ASAP1: variants seen among roughly 807,000 people sequenced by gnomAD.
The protein encoded by ASAP1 is arf-GAP with SH3 domain, ANK repeat and PH domain-containing protein 1.
Under a neutral mutation model 145.2 loss-of-function variants are expected in ASAP1, and 43 were observed. The ratio of observed to expected loss-of-function variants is 0.30; its 90% confidence interval spans 0.23 to 0.38. The LOEUF (loss-of-function observed/expected upper bound fraction) is 0.38, where lower values mean the gene tolerates loss of function less well. Among genes scored for constraint, ASAP1 ranks in the 10% least tolerant of loss-of-function variants. The probability of loss-of-function intolerance (pLI) is 1.00; values close to 1 mark genes in which losing one functional copy is unlikely to be tolerated. For synonymous variants in ASAP1, 546 were observed against 515.5 expected (o/e 1.06, Z -0.80); for missense variants, 1,018 against 1,355.3 (o/e 0.75, Z 3.91).
intron 3 of ASAP1, among the ~76,000 whole-genome samples, chr8:130,335,385 C>T (rs1392234199): frequency 6.6e-6 from 1 of 152,126 alleles, no homozygotes; most frequent in East Asian, 1.9e-4. Flanking sequence ...GAAACTGACC[C>T]ACAGAGAGGT....
chr8:130,185,860 T>C (rs1485373698), intron 7 of ASAP1, among the ~76,000 whole-genome samples: 1 of 152,082 alleles, frequency 6.6e-6, no homozygotes, highest in Admixed American at 6.6e-5. Context: ...AAGTCATTTA[T>C]AATACTAAGC....
At chr8:130,332,975 C>T (rs78206452) in intron 3 of ASAP1, among the ~76,000 whole-genome samples, 15,844 of 151,752 alleles carry the variant, frequency 0.1, 970 homozygotes, top group South Asian at 0.28. Context: ...ATTCTATTCA[C>T]ATTACAGAAA....
chr8:130,392,158 G>A (rs1828313862), intron 2 of ASAP1, among the ~76,000 whole-genome samples: 1 of 152,180 alleles, frequency 6.6e-6, no homozygotes, highest in Non-Finnish European at 1.5e-5. Context: ...TAAGACTGCA[G>A]ATGCCTGGGA....
At chr8:130,420,281 A>ACAC in intron 1 of ASAP1, among the ~76,000 whole-genome samples, 1 of 143,258 alleles carries the variant, frequency 7.0e-6, no homozygotes, top group East Asian at 2.1e-4. Context: ...CACACACACA[A>ACAC]TAGCAATAAC....
chr8:130,402,528 T>C (rs565604796), intron 1 of ASAP1, among the ~76,000 whole-genome samples: 1 of 152,272 alleles, frequency 6.6e-6, no homozygotes, highest in African/African-American at 2.4e-5. Flanking sequence ...GGATAAAAGA[T>C]GTTACATAAG....
intron 4 of ASAP1, among the ~76,000 whole-genome samples, chr8:130,222,399 C>T (rs1817346072): frequency 6.6e-6 from 1 of 152,210 alleles, no homozygotes; most frequent in South Asian, 2.1e-4. Context: ...GGGATTCAAT[C>T]ACAGTGAATA....
intron 13 of ASAP1, among the ~76,000 whole-genome samples, chr8:130,137,242 A>G (rs998544105): frequency 2.6e-5 from 4 of 152,226 alleles, no homozygotes; most frequent in Non-Finnish European, 5.9e-5. Flanking sequence ...CTGCCCTCAA[A>G]TATAAGCTGG....
At chr8:130,413,924 G>T (rs1829368787) in intron 1 of ASAP1, among the ~76,000 whole-genome samples, 1 of 150,500 alleles carries the variant, frequency 6.6e-6, no homozygotes. Context: ...ATTCATTTAT[G>T]TAACACTCCA....
chr8:130,172,872 C>A (rs575837489), intron 9 of ASAP1, among the ~76,000 whole-genome samples: 1 of 152,294 alleles, frequency 6.6e-6, no homozygotes, highest in South Asian at 2.1e-4. Context: ...ATTTACTTTC[C>A]TTCTGCTTCA....
intron 3 of ASAP1, among the ~76,000 whole-genome samples, chr8:130,338,481 T>C (rs1202897436): frequency 6.6e-6 from 1 of 152,198 alleles, no homozygotes; most frequent in Non-Finnish European, 1.5e-5. Flanking sequence ...AGGACTCTCC[T>C]TCCAAGAAAA....
chr8:130,087,505 G>A (rs1282630258), intron 25 of ASAP1, among the ~76,000 whole-genome samples: 1 of 152,108 alleles, frequency 6.6e-6, no homozygotes, highest in Non-Finnish European at 1.5e-5. Context: ...GGGCAACAGA[G>A]TGAGTCTGTT....
At chr8:130,153,361 A>ATG (rs1306055536) in intron 12 of ASAP1, among the ~76,000 whole-genome samples, 162 of 57,706 alleles carry the variant, frequency 2.8e-3, no homozygotes, top group African/African-American at 8.3e-3. Flanking sequence ...ATATATATGT[A>ATG]TATATATATA....
intron 5 of ASAP1, among the ~76,000 whole-genome samples, chr8:130,194,242 A>T (rs1042082902): frequency 1.1e-4 from 17 of 152,220 alleles, no homozygotes; most frequent in Non-Finnish European, 2.2e-4. Context: ...TAGGTTAATT[A>T]AAAAAACCAG....
chr8:130,339,763 G>A (rs1825263696), intron 3 of ASAP1, among the ~76,000 whole-genome samples: 1 of 152,206 alleles, frequency 6.6e-6, no homozygotes, highest in South Asian at 2.1e-4. Context: ...CAGGACTGAT[G>A]AGAAATCTCA....
Position 130,401,955 on chromosome 8 carries a change from C to G in ASAP1, c.-12G>C. On this transcript the variant is annotated 5_prime_UTR_variant, in exon 2 of 30. An upstream open reading frame in the 5' UTR loses its in-frame stop. Transcript: ENST00000518721. Reference sequence around the variant, plus strand: ...GCTGAAGATCTCATGTCTCAGCCGTCACATCAGAAAACGACCTGGATAGGG... The same window carrying G: ...GCTGAAGATCTCATGTCTCAGCCGTGACATCAGAAAACGACCTGGATAGGG... 1 of 1,612,976 alleles carries G rather than the reference C, an allele frequency of 6.2e-7. No individual in the cohort carries two copies. The highest frequency in any genetic ancestry group is 1.3e-5 in the African/African-American group (1 of 75,014).
At chr8:130,402,888 T>C (rs561212454) in intron 1 of ASAP1, among the ~76,000 whole-genome samples, 2 of 151,252 alleles carry the variant, frequency 1.3e-5, no homozygotes, top group African/African-American at 4.9e-5. Context: ...AATCTAGTCT[T>C]CCATGCTGAA....
intron 17 of ASAP1, among the ~76,000 whole-genome samples, chr8:130,124,774 CA>C (rs2097572306): frequency 6.6e-6 from 1 of 152,092 alleles, no homozygotes; most frequent in African/African-American, 2.4e-5. Flanking sequence ...TATTGCATGG[CA>C]AACGTTTAGG....
chr8:130,166,701 C>T lies in ASAP1; in HGVS notation c.909+835G>A, dbSNP rs2097680536. On this transcript the variant is annotated intron_variant, in intron 11 of 29. Coordinates refer to ENST00000518721, the MANE Select transcript of ASAP1 (RefSeq NM_018482.4). Reference sequence around the variant, plus strand: ...GCTTAGTACCTAGAACTGTGCCTGGCACACAGCAGGTGTTAATGAAATGTT... The same window carrying T: ...GCTTAGTACCTAGAACTGTGCCTGGTACACAGCAGGTGTTAATGAAATGTT... Among the ~76,000 whole-genome samples the T allele has an allele frequency of 2.6e-5, 4 of 152,048 alleles. 1 individual carries two copies. In the South Asian group the frequency reaches 8.3e-4, roughly 31 times the overall value.
intron 27 of ASAP1, 91 bp downstream of exon 27, chr8:130,076,257 A>T: frequency 1.2e-6 from 1 of 847,054 alleles, no homozygotes; most frequent in Non-Finnish European, 1.9e-6. Flanking sequence ...TTTGGGATGG[A>T]TCAATGAACA....
Sources: gnomAD v4.1 joint callset for allele counts (sites outside exome capture counted in the v4.1 genomes callset) on GRCh38, gnomAD v4.1.1 for gene constraint, MANE v1.5 for transcripts, NCBI Gene and HGNC (gene_info 2026-07-23, HGNC 2026-07-21) for gene names.